PRTG: variants seen among roughly 807,000 people sequenced by gnomAD.
PRTG encodes immunoglobulin superfamily, DCC subclass, member 5.
Under a neutral mutation model 122.5 loss-of-function variants are expected in PRTG, and 67 were observed. The observed-to-expected ratio is 0.55, with a 90% CI of 0.45 to 0.67. The LOEUF is 0.67. PRTG is among the 30% of genes least tolerant of loss of function. PRTG has a pLI of 0.00. For synonymous variants in PRTG, 554 were observed against 501.1 expected (o/e 1.11, Z -1.41); for missense variants, 1,435 against 1,415.4 (o/e 1.01, Z -0.22).
intron 1 of PRTG, 106 bp from the exon 2 acceptor site, chr15:55,740,790 T>G (rs1432312950): frequency 1.1e-6 from 1 of 938,060 alleles, no homozygotes; most frequent in Non-Finnish European, 1.6e-6. Context: ...ATGACGAAGT[T>G]TAATAAATTT....
chr15:55,679,570 GTCTACATCTCCATACATC>G, intron 6 of PRTG, 125 bp from the exon 7 acceptor site: 1 of 668,396 alleles, frequency 1.5e-6, no homozygotes, highest in East Asian at 2.8e-5. Flanking sequence ...CTGAGCTCCT[GTCTACATCTCCATACATC>G]TCTCCAGGTG....
chr15:55,627,173 A>T (rs748740140), intron 16 of PRTG, 45 bp from the exon 17 acceptor site: 13 of 1,430,994 alleles, frequency 9.1e-6, no homozygotes, highest in South Asian at 2.8e-5. Flanking sequence ...AGAAAAATAA[A>T]TTATTTAATT....
intron 17 of PRTG, among the ~76,000 whole-genome samples, chr15:55,625,252 C>A (rs1304441488): frequency 1.3e-5 from 2 of 152,074 alleles, no homozygotes; most frequent in Non-Finnish European, 2.9e-5. Flanking sequence ...CAAAGTCAAT[C>A]CATAGATGAG....
At chr15:55,716,527 C>T (rs1222152740) in intron 2 of PRTG, among the ~76,000 whole-genome samples, 1 of 152,184 alleles carries the variant, frequency 6.6e-6, no homozygotes, top group African/African-American at 2.4e-5. Flanking sequence ...CAGGAAGCTG[C>T]AACATCTCCA....
intron 15 of PRTG, among the ~76,000 whole-genome samples, chr15:55,631,890 C>T (rs547177917): frequency 2.6e-5 from 4 of 152,160 alleles, no homozygotes; most frequent in Admixed American, 1.3e-4. Context: ...CCTTTACCTC[C>T]GACTCCTCTT....
intron 2 of PRTG, among the ~76,000 whole-genome samples, chr15:55,708,093 T>C (rs2030207945): frequency 6.9e-6 from 1 of 144,088 alleles, no homozygotes; most frequent in Non-Finnish European, 1.5e-5. Context: ...ACAATCAGCA[T>C]TTGCTGACAG....
chr15:55,678,749 T>C (rs1254029353), intron 7 of PRTG, among the ~76,000 whole-genome samples: 1 of 152,232 alleles, frequency 6.6e-6, no homozygotes, highest in Non-Finnish European at 1.5e-5. Flanking sequence ...TTTATATGAC[T>C]TGAATACCAT....
At chr15:55,740,026 T>C (rs1287062362) in intron 2 of PRTG, among the ~76,000 whole-genome samples, 1 of 152,244 alleles carries the variant, frequency 6.6e-6, no homozygotes, top group Non-Finnish European at 1.5e-5. Flanking sequence ...ATTGTTTTCA[T>C]TAATTACTAA....
intron 1 of PRTG, among the ~76,000 whole-genome samples, chr15:55,741,597 C>A (rs2031611279): frequency 6.6e-6 from 1 of 152,044 alleles, no homozygotes; most frequent in Non-Finnish European, 1.5e-5. Flanking sequence ...CACAGGCCGT[C>A]TTAAAGTCTC....
intron 11 of PRTG, among the ~76,000 whole-genome samples, chr15:55,658,254 C>T (rs1006359104): frequency 6.6e-6 from 1 of 152,130 alleles, no homozygotes; most frequent in Non-Finnish European, 1.5e-5. Context: ...TTATAAGTGA[C>T]CCTGTATATT....
At chr15:55,662,057 A>G (rs1167076662) in intron 11 of PRTG, among the ~76,000 whole-genome samples, 1 of 152,238 alleles carries the variant, frequency 6.6e-6, no homozygotes, top group Non-Finnish European at 1.5e-5. Flanking sequence ...AAAAAACTCA[A>G]AATTCTTTTC....
intron 15 of PRTG, among the ~76,000 whole-genome samples, chr15:55,632,859 G>A (rs1208173053): frequency 6.6e-6 from 1 of 152,128 alleles, no homozygotes; most frequent in African/African-American, 2.4e-5. Flanking sequence ...TGGTCACTGC[G>A]GTACTGCCAG....
chr15:55,624,217 A>T, intron 18 of PRTG, 125 bp downstream of exon 18: 1 of 768,734 alleles, frequency 1.3e-6, no homozygotes, highest in Admixed American at 3.0e-5. Flanking sequence ...TAAAATTTCA[A>T]TATTTCATTA....
chr15:55,732,914 A>G (rs529752902), intron 2 of PRTG, among the ~76,000 whole-genome samples: 9 of 152,322 alleles, frequency 5.9e-5, no homozygotes, highest in African/African-American at 2.2e-4. Context: ...TACAACGCTT[A>G]AAAATAGTAA....
Position 55,620,189 on chromosome 15 carries a change from AG to A in PRTG, c.3275del (p.Pro1092LeufsTer52). On this transcript the variant is annotated frameshift_variant, in exon 20 of 20. Coordinates refer to ENST00000389286, the MANE Select transcript of PRTG (RefSeq NM_173814.6). LOFTEE classifies it high-confidence loss of function. ...AGCTGGTTGTCTGACCTGGGGAGCTAGGGGAGTCTTCATCACTGATTAATAC... is the reference window on the plus strand; with the variant it reads ...AGCTGGTTGTCTGACCTGGGGAGCTAGGGAGTCTTCATCACTGATTAATAC... ...TTVLISDEDS[P>X]SSPGQTTSFS... 1.2e-6 allele frequency: 2 copies of A among 1,614,208 alleles called. No individual in the cohort carries two copies. The highest frequency in any genetic ancestry group is 1.7e-6 in the Non-Finnish European group (2 of 1,180,020).
chr15:55,735,754 GA>G (rs1424533425), intron 2 of PRTG, among the ~76,000 whole-genome samples: 1 of 134,200 alleles, frequency 7.5e-6, no homozygotes, highest in East Asian at 2.2e-4. Context: ...CACCAACTTT[GA>G]AAAAAAGTGA....
intron 11 of PRTG, among the ~76,000 whole-genome samples, chr15:55,646,953 T>C (rs1454455843): frequency 1.3e-5 from 2 of 152,122 alleles, no homozygotes; most frequent in Non-Finnish European, 2.9e-5. Flanking sequence ...CCTTCCAACC[T>C]GATTCATTCT....
At chr15:55,672,782 A>G (rs536601951) in intron 10 of PRTG, 149 bp from the exon 11 acceptor site, 2 of 535,082 alleles carry the variant, frequency 3.7e-6, no homozygotes, top group East Asian at 5.9e-5. Context: ...CAAATTTCAC[A>G]ATAATATTAA....
At chr15:55,733,094 A>C (rs1567119512) in intron 2 of PRTG, among the ~76,000 whole-genome samples, 2 of 152,156 alleles carry the variant, frequency 1.3e-5, no homozygotes, top group Admixed American at 1.3e-4. Flanking sequence ...CCATAGTCCC[A>C]GCTACTCAGG....
Sources: allele counts gnomAD v4.1 joint callset (sites outside exome capture counted in the v4.1 genomes callset), GRCh38; gene constraint gnomAD v4.1.1; transcripts MANE v1.5; gene names NCBI Gene and HGNC (gene_info 2026-07-23, HGNC 2026-07-21).